Variants in KCNMA1 observed in about 807,000 individuals in gnomAD.
KCNMA1 encodes Calcium-activated potassium channel subunit alpha-1.
Under a neutral mutation model 140.0 loss-of-function variants are expected in KCNMA1, and 29 were observed. The ratio of observed to expected loss-of-function variants is 0.21; its 90% CI spans 0.15 to 0.28. KCNMA1 has a LOEUF of 0.28. Among genes scored for constraint, KCNMA1 ranks in the 10% least tolerant of loss-of-function variants. KCNMA1 has a pLI of 1.00. For synonymous variants in KCNMA1, 612 were observed against 611.9 expected, an observed-to-expected ratio of 1.00 and a Z score of 0.00; for missense variants, 880 against 1,602.2, an observed-to-expected ratio of 0.55 and a Z score of 7.70.
chr10:77,547,056 T>C (rs1344077377), intron 1 of KCNMA1, among the ~76,000 whole-genome samples: 1 of 152,064 alleles, frequency 6.6e-6, no homozygotes, highest in Non-Finnish European at 1.5e-5. Flanking sequence ...AGAGAGCCCA[T>C]AACTCCACAC....
intron 3 of KCNMA1, among the ~76,000 whole-genome samples, chr10:77,190,546 G>A (rs534830815): frequency 2.0e-5 from 3 of 152,236 alleles, no homozygotes; most frequent in East Asian, 1.9e-4. Context: ...ACAGAGCCTC[G>A]CCTGGGGCTC....
chr10:76,984,337 G>A (rs986924459), intron 19 of KCNMA1, among the ~76,000 whole-genome samples: 1 of 152,050 alleles, frequency 6.6e-6, no homozygotes, highest in Non-Finnish European at 1.5e-5. Context: ...AAGTAGCTGA[G>A]ATTATAGGCA....
chr10:76,874,081 AG>A (rs915824424), downstream of KCNMA1: 5 of 152,182 alleles, frequency 3.3e-5, no homozygotes, highest in African/African-American at 1.2e-4. Context: ...ACAACAAAAA[AG>A]GGAAGGCAGG....
rs1010542262 is a variant in KCNMA1, at chr10:77,141,320, C to T, written c.809-20272G>A. Among the ~76,000 whole-genome samples the T allele has an allele frequency of 2.0e-5, 3 of 152,104 alleles. No homozygotes were observed. In the South Asian group the frequency reaches 6.2e-4, roughly 32 times the overall value. ...GCTACATTATGGACCCCCATCCCTG[C>T]CAAAGTCGTAGGTTGAAGCCCAAAC... On this transcript the variant is annotated intron_variant, in intron 5 of 27. Transcript: ENST00000286628.
At chr10:76,961,417 T>C (rs1314726836) in intron 20 of KCNMA1, among the ~76,000 whole-genome samples, 1 of 152,200 alleles carries the variant, frequency 6.6e-6, no homozygotes, top group Non-Finnish European at 1.5e-5. Flanking sequence ...AAGTGGTCTC[T>C]TGAGATGGAA....
chr10:77,607,781 C>T (rs576064572), intron 1 of KCNMA1, among the ~76,000 whole-genome samples: 33 of 152,292 alleles, frequency 2.2e-4, no homozygotes, highest in Admixed American at 1.8e-3. Flanking sequence ...TGATTTCCGA[C>T]TTCTCGCCTT....
At chr10:77,171,633 G>A (rs1049320978) in intron 5 of KCNMA1, among the ~76,000 whole-genome samples, 1 of 152,080 alleles carries the variant, frequency 6.6e-6, no homozygotes, top group Non-Finnish European at 1.5e-5. Context: ...CAGAGTTCCT[G>A]GGTGATTCTA....
At chr10:77,622,266 T>C (rs2091588167) in intron 1 of KCNMA1, among the ~76,000 whole-genome samples, 1 of 152,238 alleles carries the variant, frequency 6.6e-6, no homozygotes, top group Non-Finnish European at 1.5e-5. Flanking sequence ...TCAAGGGACC[T>C]CACATCTCTC....
chr10:77,429,754 C>T (rs895070706), intron 1 of KCNMA1, among the ~76,000 whole-genome samples: 4 of 152,240 alleles, frequency 2.6e-5, no homozygotes, highest in South Asian at 2.1e-4. Flanking sequence ...TTTCAGAGTT[C>T]CTGTTCCAAA....
At position 77,324,847 on chromosome 10, in the gene KCNMA1, C is replaced by T. The variant is rs143108990; in HGVS notation, c.541-73591G>A. On this transcript the variant is annotated intron_variant, in intron 2 of 27. Coordinates refer to ENST00000286628, the MANE Select transcript of KCNMA1 (RefSeq NM_001161352.2). Reference sequence around the variant, plus strand: ...GGAATACAGGGGTCCCCTTTCCAAACCTCCAAGTTATCTGGGTTGGGATAC... The same window carrying T: ...GGAATACAGGGGTCCCCTTTCCAAATCTCCAAGTTATCTGGGTTGGGATAC... Among the ~76,000 whole-genome samples the T allele has an allele frequency of 2.0e-5, 3 of 152,176 alleles. No individual in the cohort carries two copies. In the East Asian group the frequency reaches 5.8e-4, roughly 29 times the overall value.
chr10:77,210,522 C>T (rs2045705908), intron 3 of KCNMA1, among the ~76,000 whole-genome samples: 1 of 152,154 alleles, frequency 6.6e-6, no homozygotes, highest in South Asian at 2.1e-4. Context: ...GACTCCCGCT[C>T]TCATTACTCC....
rs566112342 is a variant in KCNMA1 at position 77,265,329 on chromosome 10, G to C, written c.541-14073C>G. Among the ~76,000 whole-genome samples the C allele has an allele frequency of 5.9e-3, 902 of 152,304 alleles. 6 individuals are homozygous for C. The highest frequency in any genetic ancestry group is 6.9e-3 in the Non-Finnish European group (469 of 68,030). On this transcript the variant is annotated intron_variant, in intron 2 of 27. Transcript: ENST00000286628. Reference sequence around the variant, plus strand: ...GGTCTCCCAAAGTGCTGGGATTACAGGCGTGAGCCACTGCACCCTGCCAGA... The same window carrying C: ...GGTCTCCCAAAGTGCTGGGATTACACGCGTGAGCCACTGCACCCTGCCAGA...
chr10:77,365,119 C>T (rs1006841390), intron 2 of KCNMA1, among the ~76,000 whole-genome samples: 23 of 152,156 alleles, frequency 1.5e-4, no homozygotes, highest in African/African-American at 5.3e-4. Context: ...AATTGAGGTG[C>T]AAGAGCCATT....
chr10:77,408,221 C>G (rs968975119), intron 1 of KCNMA1, among the ~76,000 whole-genome samples: 6 of 152,222 alleles, frequency 3.9e-5, no homozygotes, highest in Admixed American at 6.5e-5. Flanking sequence ...CCACAGGATA[C>G]TGCCTCACAG....
At chr10:77,044,753 T>A (rs562154657) in intron 14 of KCNMA1, among the ~76,000 whole-genome samples, 1 of 152,270 alleles carries the variant, frequency 6.6e-6, no homozygotes, top group Admixed American at 6.5e-5. Context: ...ATTCCCCTTT[T>A]ATAGATGATA....
intron 5 of KCNMA1, among the ~76,000 whole-genome samples, chr10:77,130,352 G>C (rs1353691903): frequency 6.6e-6 from 1 of 152,178 alleles, no homozygotes; most frequent in African/African-American, 2.4e-5. Context: ...GGTAATGTAA[G>C]TGTTCTGAGC....
chr10:77,311,695 A>G (rs624713), intron 2 of KCNMA1, among the ~76,000 whole-genome samples: 25,658 of 152,256 alleles, frequency 0.17, 2,831 homozygotes, highest in Admixed American at 0.25. Flanking sequence ...CCAGAATCCA[A>G]TGATTTGTCT....
intron 5 of KCNMA1, among the ~76,000 whole-genome samples, chr10:77,122,204 T>C (rs1469214096): frequency 6.6e-6 from 1 of 152,004 alleles, no homozygotes; most frequent in Non-Finnish European, 1.5e-5. Context: ...GTTTAGGTAA[T>C]AAGGGAAAAT....
chr10:77,012,608 AC>A (rs1447524154), intron 17 of KCNMA1: 2 of 1,432,530 alleles, frequency 1.4e-6, no homozygotes, highest in African/African-American at 2.8e-5. Flanking sequence ...CCTCTGTCAA[AC>A]CCCCTCTGGA....
Sources: allele counts gnomAD v4.1 joint callset (sites outside exome capture counted in the v4.1 genomes callset), GRCh38; gene constraint gnomAD v4.1.1; transcripts MANE v1.5; gene names NCBI Gene and HGNC (gene_info 2026-07-23, HGNC 2026-07-21).